The following PCDH15 variants were observed in gnomAD, a reference collection of about 807,000 sequenced individuals.
PCDH15 encodes protocadherin related 15, also known as protocadherin-15.
PCDH15 carries 129 observed loss-of-function variants against 178.5 expected under a neutral mutation model. The observed-to-expected ratio is 0.72, with a 90% CI of 0.63 to 0.84. The LOEUF is 0.84. PCDH15 is among the 40% of genes least tolerant of loss of function. PCDH15 has a pLI of 0.00. For synonymous variants in PCDH15, 800 were observed against 732.0 expected (o/e 1.09, Z -1.50); for missense variants, 2,230 against 2,099.9 (o/e 1.06, Z -1.21).
intron 2 of PCDH15, among the ~76,000 whole-genome samples, chr10:54,998,117 C>A (rs891108510): frequency 7.2e-5 from 11 of 152,004 alleles, no homozygotes; most frequent in African/African-American, 2.7e-4. Context: ...TTGAAAAAAA[C>A]AATAATTTTG....
chr10:54,968,160 A>G (rs1459637431), intron 2 of PCDH15, among the ~76,000 whole-genome samples: 4 of 152,198 alleles, frequency 2.6e-5, no homozygotes. Context: ...GTATATATGT[A>G]CATAACTGTT....
At chr10:55,228,870 T>C (rs569365880) in intron 1 of PCDH15, among the ~76,000 whole-genome samples, 132 of 151,978 alleles carry the variant, frequency 8.7e-4, no homozygotes, top group Non-Finnish European at 1.5e-3. Context: ...TACTTATCAT[T>C]TACTCCCATC....
intron 11 of PCDH15, chr10:54,189,374 C>T: frequency 6.4e-7 from 1 of 1,568,170 alleles, no homozygotes; most frequent in Admixed American, 1.8e-5. Context: ...AGGAACTCCA[C>T]TGGGTGGAAC....
At chr10:55,579,356 G>GTT (rs1052838964) in intron 2 of PCDH15, among the ~76,000 whole-genome samples, 3 of 152,136 alleles carry the variant, frequency 2.0e-5, no homozygotes, top group African/African-American at 7.2e-5. Flanking sequence ...CATTATTAGT[G>GTT]TAACGCTTCA....
intron 2 of PCDH15, among the ~76,000 whole-genome samples, chr10:55,325,749 C>T (rs1844013562): frequency 6.6e-6 from 1 of 151,574 alleles, no homozygotes; most frequent in South Asian, 2.1e-4. Flanking sequence ...TGCAGCAAAA[C>T]AAAACAAACA....
chr10:55,140,990 G>A (rs1410090044), intron 2 of PCDH15, among the ~76,000 whole-genome samples: 3 of 151,886 alleles, frequency 2.0e-5, no homozygotes, highest in Non-Finnish European at 4.4e-5. Context: ...CTTCATCCAT[G>A]TCACTGGATA....
At chr10:54,796,545 C>T (rs1245202988) in intron 1 of PCDH15, among the ~76,000 whole-genome samples, 7 of 151,760 alleles carry the variant, frequency 4.6e-5, no homozygotes, top group Non-Finnish European at 8.8e-5. Context: ...CTGTCTGTCA[C>T]TCTGCTTCTA....
chr10:55,269,724 T>C (rs1842391107), intron 1 of PCDH15, among the ~76,000 whole-genome samples: 1 of 152,126 alleles, frequency 6.6e-6, no homozygotes, highest in Admixed American at 6.5e-5. Flanking sequence ...ATTTTACAGA[T>C]TCAATGCTAT....
chr10:55,098,452 G>C (rs1238016659), intron 2 of PCDH15, among the ~76,000 whole-genome samples: 3 of 152,166 alleles, frequency 2.0e-5, no homozygotes, highest in African/African-American at 7.2e-5. Context: ...AGTAGCCTGT[G>C]AAATCCAGCT....
chr10:54,141,176 T>C (rs1346721431), intron 14 of PCDH15, among the ~76,000 whole-genome samples: 7 of 151,864 alleles, frequency 4.6e-5, no homozygotes, highest in Admixed American at 1.3e-4. Context: ...TTTGGTTCTA[T>C]GAATAGTCAT....
chr10:54,506,523 C>T (rs915564115), intron 3 of PCDH15, among the ~76,000 whole-genome samples: 6 of 151,822 alleles, frequency 4.0e-5, no homozygotes, highest in Admixed American at 3.9e-4. Context: ...GTAAGTAATC[C>T]TTAACATAGA....
At chr10:55,492,235 G>T (rs1840434443) in intron 2 of PCDH15, among the ~76,000 whole-genome samples, 1 of 150,678 alleles carries the variant, frequency 6.6e-6, no homozygotes, top group Non-Finnish European at 1.5e-5. Flanking sequence ...AAAGAAAAAA[G>T]AAAAAAAAAT....
At chr10:55,253,352 T>C (rs1841897803) in intron 1 of PCDH15, among the ~76,000 whole-genome samples, 1 of 152,104 alleles carries the variant, frequency 6.6e-6, no homozygotes, top group African/African-American at 2.4e-5. Context: ...AAAGCTGAGC[T>C]GGACAACTCC....
chr10:55,358,574 A>C, intron 2 of PCDH15, among the ~76,000 whole-genome samples: 1 of 152,104 alleles, frequency 6.6e-6, no homozygotes, highest in East Asian at 1.9e-4. Context: ...GTAATAATAT[A>C]ATAGTTGCCA....
intron 9 of PCDH15, among the ~76,000 whole-genome samples, chr10:54,222,684 G>A (rs1430106424): frequency 6.6e-6 from 1 of 152,192 alleles, no homozygotes. Flanking sequence ...CCATTCTGGT[G>A]TGTATGTAGT....
At chr10:54,176,844 C>A (rs1352854608) in intron 13 of PCDH15, among the ~76,000 whole-genome samples, 1 of 152,012 alleles carries the variant, frequency 6.6e-6, no homozygotes, top group Non-Finnish European at 1.5e-5. Flanking sequence ...GGTACAGTCA[C>A]CTTAGAAGAC....
intron 23 of PCDH15, among the ~76,000 whole-genome samples, chr10:53,947,085 C>T (rs2086640744): frequency 6.6e-6 from 1 of 152,030 alleles, no homozygotes. Context: ...CATATATATC[C>T]TTTTAATATT....
intron 2 of PCDH15, among the ~76,000 whole-genome samples, chr10:54,601,538 T>C (rs1055856846): frequency 6.6e-6 from 1 of 151,868 alleles, no homozygotes; most frequent in Admixed American, 6.6e-5. Context: ...AGTCAGAAAG[T>C]AGCATATGTT....
At chr10:55,347,678 T>C (rs904050964) in intron 2 of PCDH15, among the ~76,000 whole-genome samples, 1 of 152,122 alleles carries the variant, frequency 6.6e-6, no homozygotes, top group Non-Finnish European at 1.5e-5. Flanking sequence ...AAAACACATT[T>C]AACCTGAATC....
Sources: gnomAD v4.1 joint callset for allele counts (sites outside exome capture counted in the v4.1 genomes callset) on GRCh38, gnomAD v4.1.1 for gene constraint, MANE v1.5 for transcripts, NCBI Gene and HGNC (gene_info 2026-07-23, HGNC 2026-07-21) for gene names.